Variants in SMPD3 observed in about 807,000 individuals in gnomAD.
The protein encoded by SMPD3 is sphingomyelin phosphodiesterase 3.
A neutral mutation model predicts 55.7 loss-of-function variants in SMPD3; 21 were observed. The ratio of observed to expected loss-of-function variants is 0.38; its 90% CI spans 0.27 to 0.54. The LOEUF (loss-of-function observed/expected upper bound fraction) is 0.54. Among genes scored for constraint, SMPD3 ranks in the 20% least tolerant of loss-of-function variants. The pLI is 0.80. For missense variants in SMPD3, 842 were observed against 899.6 expected, an observed-to-expected ratio of 0.94 and a Z score of 0.82; for synonymous variants, 457 against 404.3, an observed-to-expected ratio of 1.13 and a Z score of -1.56.
chr16:68,419,063 T>C (rs989229186), intron 1 of SMPD3, among the ~76,000 whole-genome samples: 1 of 152,058 alleles, frequency 6.6e-6, no homozygotes, highest in African/African-American at 2.4e-5. Context: ...TTTGTAGAAA[T>C]AGGCCTCAGG....
At chr16:68,421,976 C>T (rs979199183) in intron 1 of SMPD3, among the ~76,000 whole-genome samples, 2 of 152,050 alleles carry the variant, frequency 1.3e-5, no homozygotes, top group African/African-American at 4.8e-5. Flanking sequence ...CCCAACGTAA[C>T]GACAAGGATC....
chr16:68,403,375 A>G (rs1229147517), intron 1 of SMPD3, among the ~76,000 whole-genome samples: 1 of 152,198 alleles, frequency 6.6e-6, no homozygotes, highest in African/African-American at 2.4e-5. Context: ...GTAGATGCCA[A>G]TACAAATTTG....
chr16:68,435,842 GC>G (rs1754966958), intron 1 of SMPD3, among the ~76,000 whole-genome samples: 2 of 152,312 alleles, frequency 1.3e-5, no homozygotes, highest in African/African-American at 4.8e-5. Context: ...CTATGGCAGG[GC>G]CAGCCTGGCT....
At chr16:68,440,066 G>A (rs973522620) in intron 1 of SMPD3, among the ~76,000 whole-genome samples, 3 of 152,318 alleles carry the variant, frequency 2.0e-5, no homozygotes, top group Admixed American at 6.5e-5. Context: ...GATATCCTAC[G>A]TTTTGGTGTA....
chr16:68,407,492 T>TATTATTA, intron 1 of SMPD3, among the ~76,000 whole-genome samples: 1 of 152,310 alleles, frequency 6.6e-6, no homozygotes, highest in East Asian at 1.9e-4. Context: ...TCTATTGTTG[T>TATTATTA]ATTTTTAATT....
chr16:68,407,433 A>G (rs924880316), intron 1 of SMPD3, among the ~76,000 whole-genome samples: 8 of 152,182 alleles, frequency 5.3e-5, no homozygotes, highest in African/African-American at 1.7e-4. Context: ...AAAATTCCTG[A>G]TTGGTAGGTA....
chr16:68,437,621 T>C (rs1348340426), intron 1 of SMPD3, among the ~76,000 whole-genome samples: 2 of 152,198 alleles, frequency 1.3e-5, no homozygotes, highest in Non-Finnish European at 1.5e-5. Context: ...CATCCTCTAT[T>C]ATCTTGCACA....
Position 68,372,384 on chromosome 16 carries a change from G to C in SMPD3, c.-203C>G, listed in dbSNP as rs980338368. 1 of 647,240 alleles carries C rather than the reference G, an allele frequency of 1.5e-6. No individual in the cohort carries two copies. Among genetic ancestry groups the C allele is most frequent in the Non-Finnish European group, 2.6e-6 (1 of 377,738 alleles). 40.1% of individuals were successfully genotyped at this position (647,240 alleles called of 1,614,324 possible). A position where few individuals can be genotyped will look rare whatever the true frequency, so the allele number is the denominator to read the frequency against. On this transcript the variant is annotated 5_prime_UTR_variant, in exon 3 of 9. Transcript: ENST00000219334. ...GTGGGCCATGCGGAGGCCTACTGCA[G>C]ACCCTGCAGAGACAAAAGTAGGGGG...
At chr16:68,445,352 G>T (rs961455786) in intron 1 of SMPD3, among the ~76,000 whole-genome samples, 5 of 152,220 alleles carry the variant, frequency 3.3e-5, no homozygotes, top group Non-Finnish European at 7.3e-5. Context: ...TCCATGCATT[G>T]TCCTTATAAA....
chr16:68,371,694 G>A lies in SMPD3; in HGVS notation c.488C>T (p.Ala163Val). The A allele has an allele frequency of 6.3e-7, 1 of 1,578,532 alleles. No homozygotes were observed. Among genetic ancestry groups the A allele is most frequent in the Non-Finnish European group, 8.6e-7 (1 of 1,162,052 alleles). ...GATGTAAATTTTGATCTGGGGCCGG[G>A]CGGCCCCATTGCGGATTCTCTGCCC... Reference protein sequence around the residue: ...EIGQRIRNGAARPQIKIYIDS... With the variant: ...EIGQRIRNGAVRPQIKIYIDS... The change falls in exon 3 of 9, where the codon GCC (alanine) becomes GTC (valine). Residue 163 changes from alanine to valine, a missense_variant. Physicochemically the swap from Ala to Val is moderately conservative, Grantham distance 64. Transcript: ENST00000219334.
At chr16:68,384,464 CCT>C (rs1400279626) in intron 2 of SMPD3, among the ~76,000 whole-genome samples, 6 of 152,186 alleles carry the variant, frequency 3.9e-5, no homozygotes, top group Non-Finnish European at 7.3e-5. Context: ...GTAACCAGCC[CCT>C]GATAGATCTG....
intron 2 of SMPD3, among the ~76,000 whole-genome samples, chr16:68,372,721 TCCTAGAGGATGCCTG>T (rs2089704527): frequency 6.6e-6 from 1 of 152,170 alleles, no homozygotes; most frequent in Non-Finnish European, 1.5e-5. Context: ...AGGCAGGGCA[TCCTAGAGGATGCCTG>T]GGCCCACCCT....
chr16:68,396,832 T>C (rs538902734), intron 1 of SMPD3, among the ~76,000 whole-genome samples: 18 of 152,328 alleles, frequency 1.2e-4, no homozygotes, highest in East Asian at 1.9e-4. Context: ...AAATGCAAGA[T>C]GGAGACTTGA....
intron 1 of SMPD3, among the ~76,000 whole-genome samples, chr16:68,387,251 G>A (rs1235009037): frequency 6.6e-6 from 1 of 152,084 alleles, no homozygotes; most frequent in Non-Finnish European, 1.5e-5. Context: ...CTTATCTAAG[G>A]GGGAGCAGGT....
In SMPD3 at chr16:68,361,595, T is replaced by A. The variant is rs1394588395; in HGVS notation, c.1866+8A>T. 1 of 1,606,034 alleles carries A rather than the reference T, an allele frequency of 6.2e-7. No homozygotes were observed. Among genetic ancestry groups the A allele is most frequent in the Admixed American group, 1.7e-5 (1 of 60,020 alleles). On this transcript the variant is annotated splice_region_variant and intron_variant, in intron 8 of 8. Transcript: ENST00000219334. ...CATGGCCCTGGCTGCTGGGCCCTCC[T>A]GACTCACGGCCTTCCAGTCTGGGCA...
rs922200687 is a variant in SMPD3 at position 68,439,560 on chromosome 16, G to A, written c.-269+8793C>T. ...AGCCTCCTTCCACCTCAATTCACCC[G>A]CTATGCTTTGAGTCAGGAAATCTGT... On this transcript the variant is annotated intron_variant, in intron 1 of 8. Coordinates refer to ENST00000219334, the MANE Select transcript of SMPD3 (RefSeq NM_018667.4). Among the ~76,000 whole-genome samples the A allele has an allele frequency of 7.2e-5, 11 of 152,158 alleles. No homozygotes were observed. The East Asian group carries it at 7.7e-4, about 11-fold the overall frequency.
At chr16:68,446,258 C>G (rs1357666263) in intron 1 of SMPD3, among the ~76,000 whole-genome samples, 1 of 152,156 alleles carries the variant, frequency 6.6e-6, no homozygotes. Context: ...AGACCTGAGA[C>G]CTCAGAAGGG....
At chr16:68,433,716 C>T (rs944425556) in intron 1 of SMPD3, among the ~76,000 whole-genome samples, 6 of 152,198 alleles carry the variant, frequency 3.9e-5, no homozygotes, top group East Asian at 1.9e-4. Flanking sequence ...CCTGGACGAG[C>T]GAAGAAGCCC....
chr16:68,380,391 G>A (rs551428755), intron 2 of SMPD3, among the ~76,000 whole-genome samples: 4 of 152,280 alleles, frequency 2.6e-5, no homozygotes, highest in African/African-American at 7.2e-5. Flanking sequence ...CTCCGGGGCC[G>A]AACTGGAGCA....
Sources: allele counts gnomAD v4.1 joint callset (sites outside exome capture counted in the v4.1 genomes callset), GRCh38; gene constraint gnomAD v4.1.1; transcripts MANE v1.5; gene names NCBI Gene and HGNC (gene_info 2026-07-23, HGNC 2026-07-21).